MIA2: variants seen among roughly 807,000 people sequenced by gnomAD.
MIA2 encodes MIA SH3 domain ER export factor 2.
A neutral mutation model predicts 167.8 loss-of-function variants in MIA2; 127 were observed. The observed-to-expected ratio is 0.76, with a 90% CI of 0.66 to 0.88. The LOEUF (loss-of-function observed/expected upper bound fraction) is 0.88, where lower values mean the gene tolerates loss of function less well. Ranked by LOEUF, MIA2 falls within the 40% of genes least tolerant of loss-of-function variation. MIA2 has a pLI of 0.00. For missense variants in MIA2, 1,690 were observed against 1,624.7 expected, an observed-to-expected ratio of 1.04 and a Z score of -0.69; for synonymous variants, 552 against 541.9, an observed-to-expected ratio of 1.02 and a Z score of -0.26.
intron 23 of MIA2, among the ~76,000 whole-genome samples, chr14:39,364,805 C>A (rs778992567): frequency 6.3e-4 from 96 of 151,722 alleles, no homozygotes; most frequent in Non-Finnish European, 1.2e-3. Context: ...AAAGTTTCTG[C>A]TGAGAAATCT....
chr14:39,315,851 T>G, intron 21 of MIA2, 133 bp downstream of exon 21: 1 of 612,908 alleles, frequency 1.6e-6, no homozygotes, highest in Non-Finnish European at 2.8e-6. Context: ...TTACAAGTAG[T>G]GAAATTATGT....
intron 6 of MIA2, chr14:39,266,288 C>T (rs2055618723): frequency 1.0e-6 from 1 of 985,266 alleles, no homozygotes; most frequent in Admixed American, 6.2e-5. Flanking sequence ...ATCCTTTACA[C>T]CTACGTCAGC....
intron 15 of MIA2, 70 bp downstream of exon 15, chr14:39,302,319 G>A (rs1566827510): frequency 6.5e-7 from 1 of 1,545,594 alleles, no homozygotes; most frequent in Non-Finnish European, 8.9e-7. Flanking sequence ...TTCGTTCCCT[G>A]TGTGCACCAT....
At chr14:39,359,975 C>G (rs575428178) in intron 23 of MIA2, among the ~76,000 whole-genome samples, 2 of 149,288 alleles carry the variant, frequency 1.3e-5, no homozygotes, top group Non-Finnish European at 3.0e-5. Flanking sequence ...CCTGTTTCTC[C>G]GGATCCTCTG....
chr14:39,308,705 C>G, intron 18 of MIA2, 118 bp downstream of exon 18: 1 of 836,144 alleles, frequency 1.2e-6, no homozygotes, highest in South Asian at 2.2e-5. Context: ...GATTGTATTT[C>G]ATCAACTTAT....
intron 2 of MIA2, among the ~76,000 whole-genome samples, chr14:39,238,680 A>G (rs1454760366): frequency 2.0e-5 from 3 of 151,212 alleles, no homozygotes; most frequent in African/African-American, 7.3e-5. Context: ...CTGTAAAGCC[A>G]GTTACTTGAG....
At chr14:39,295,177 C>T in intron 13 of MIA2, 148 bp downstream of exon 13, 1 of 658,478 alleles carries the variant, frequency 1.5e-6, no homozygotes, top group Middle Eastern at 2.5e-4. Flanking sequence ...ATTTCAGTGT[C>T]TGTCTCTTTT....
chr14:39,308,634 T>G, intron 18 of MIA2, 47 bp downstream of exon 18: 1 of 1,395,324 alleles, frequency 7.2e-7, no homozygotes. Flanking sequence ...TAAAATAGCT[T>G]TAGAGATATA....
At position 39,348,916 on chromosome 14, in the gene MIA2, A is replaced by C; in HGVS notation, c.4011A>C (p.Gly1337=). Residue 1337 remains glycine (G), a synonymous_variant, in exon 28 of 29, where the codon GGA becomes GGC. Transcript: ENST00000640607. ...CACCTCCTCCAGGAGCCATGTTTGG[A>C]GCTTCTCGAGATTATTTTCCACCAG... ...FPPPPPGAMF[G]ASRDYFPPGD... is the part of the protein sequence containing the mutation. 1 of 1,613,976 alleles carries C rather than the reference A, an allele frequency of 6.2e-7. No homozygotes were observed. The highest frequency in any genetic ancestry group is 8.5e-7 in the Non-Finnish European group (1 of 1,179,974).
At chr14:39,349,632 AG>A in intron 28 of MIA2, among the ~76,000 whole-genome samples, 1 of 152,192 alleles carries the variant, frequency 6.6e-6, no homozygotes, top group Non-Finnish European at 1.5e-5. Flanking sequence ...TTAAAGTTAA[AG>A]GTGAATTAAA....
At chr14:39,257,410 C>CT (rs1303012237) in intron 6 of MIA2, among the ~76,000 whole-genome samples, 8 of 150,034 alleles carry the variant, frequency 5.3e-5, no homozygotes, top group South Asian at 2.1e-4. Flanking sequence ...TGCAACCCTC[C>CT]TTTTTTTTTG....
At chr14:39,311,466 CTTTTTTTTT>C (rs35478238) in intron 18 of MIA2, among the ~76,000 whole-genome samples, 2 of 43,322 alleles carry the variant, frequency 4.6e-5, no homozygotes, top group Non-Finnish European at 8.0e-5. Context: ...TGATGTGTTG[CTTTTTTTTT>C]TTTTTTTTTT....
intron 6 of MIA2, among the ~76,000 whole-genome samples, chr14:39,273,772 A>T (rs1479329785): frequency 6.6e-6 from 1 of 151,968 alleles, no homozygotes; most frequent in Non-Finnish European, 1.5e-5. Context: ...GAGTCATAAG[A>T]TATATTGGTG....
intron 2 of MIA2, among the ~76,000 whole-genome samples, chr14:39,238,307 G>A (rs2053860814): frequency 6.6e-6 from 1 of 151,864 alleles, no homozygotes. Context: ...CGAGTAGCTG[G>A]GATTACAGGT....
intron 17 of MIA2, among the ~76,000 whole-genome samples, chr14:39,304,866 A>G (rs551420750): frequency 2.1e-4 from 32 of 152,256 alleles, no homozygotes; most frequent in African/African-American, 5.1e-4. Flanking sequence ...ATTTATGTTT[A>G]TTTTGCTGAT....
chr14:39,272,906 G>A (rs559873137), intron 6 of MIA2, among the ~76,000 whole-genome samples: 2 of 152,258 alleles, frequency 1.3e-5, no homozygotes, highest in South Asian at 4.1e-4. Context: ...TCTTTTTGAT[G>A]CTATTATAGA....
chr14:39,365,642 T>TA (rs1205157913), intron 23 of MIA2, among the ~76,000 whole-genome samples: 6 of 147,702 alleles, frequency 4.1e-5, no homozygotes, highest in African/African-American at 1.5e-4. Flanking sequence ...CCTGGGTTTT[T>TA]AAAAATACCT....
intron 13 of MIA2, among the ~76,000 whole-genome samples, chr14:39,299,390 C>T (rs1179199403): frequency 1.4e-5 from 2 of 144,378 alleles, no homozygotes; most frequent in African/African-American, 2.6e-5. Flanking sequence ...TCACTGCAAC[C>T]TCTGCCTCCT....
In MIA2 at chr14:39,321,492, A is replaced by G. The variant is rs528354888; in HGVS notation, c.3496+436A>G. Among the ~76,000 whole-genome samples the G allele has an allele frequency of 2.0e-5, 3 of 150,842 alleles. No individual in the cohort carries two copies. The East Asian group carries it at 5.9e-4, about 30-fold the overall frequency. ...CCATGCCCGGCTAATTTTTTTTTGT[A>G]TTTTTAGTAGAGACGGGGTTTCACC... On this transcript the variant is annotated intron_variant, in intron 24 of 28. Transcript: ENST00000640607.
Sources: allele counts gnomAD v4.1 joint callset (sites outside exome capture counted in the v4.1 genomes callset), GRCh38; gene constraint gnomAD v4.1.1; transcripts MANE v1.5; gene names NCBI Gene and HGNC (gene_info 2026-07-23, HGNC 2026-07-21).